TG: variants seen among roughly 807,000 people sequenced by gnomAD.
The protein encoded by TG is thyroglobulin, also known as thyroid hormones.
TG carries 270 observed loss-of-function variants against 324.7 expected under a neutral mutation model. The ratio of observed to expected loss-of-function variants is 0.83; its 90% CI spans 0.75 to 0.92. TG has a LOEUF of 0.92. TG is among the 40% of genes least tolerant of loss of function. The probability of loss-of-function intolerance (pLI) is 0.00; values close to 1 mark genes in which losing one functional copy is unlikely to be tolerated. For missense variants in TG, 3,591 were observed against 3,456.4 expected, an observed-to-expected ratio of 1.04 and a Z score of -0.98; for synonymous variants, 1,401 against 1,327.0, an observed-to-expected ratio of 1.06 and a Z score of -1.21.
intron 34 of TG, among the ~76,000 whole-genome samples, chr8:132,975,402 G>A (rs1201834979): frequency 6.6e-6 from 1 of 152,196 alleles, no homozygotes; most frequent in Non-Finnish European, 1.5e-5. Flanking sequence ...AGGAATCAAG[G>A]TACTCATTGT....
At chr8:132,906,974 C>A in intron 17 of TG, 74 bp downstream of exon 17, 2 of 1,459,204 alleles carry the variant, frequency 1.4e-6, no homozygotes, top group Non-Finnish European at 1.9e-6. Context: ...GATATGGAGG[C>A]GTGGCTGCTC....
chr8:133,042,829 G>A lies in TG; in HGVS notation c.7239+12806G>A, dbSNP rs368297971. The stretch of plus-strand genomic sequence containing the variant: ...CTGCCTCAGCCTTCCGAATAGTTGG[G>A]ATTACAGGCGCCCACCACCACACCT... On this transcript the variant is annotated intron_variant, in intron 41 of 47. Transcript: ENST00000220616. Among the ~76,000 whole-genome samples the A allele has an allele frequency of 5.9e-5, 9 of 151,522 alleles. No homozygotes were observed. The South Asian group carries it at 1.9e-3, about 32-fold the overall frequency.
chr8:132,918,568 G>A (rs2132440949), intron 20 of TG, among the ~76,000 whole-genome samples: 1 of 152,278 alleles, frequency 6.6e-6, no homozygotes. Context: ...ATCAACATTG[G>A]CTCCATCTCA....
chr8:133,049,928 T>G, intron 41 of TG: 1 of 1,613,082 alleles, frequency 6.2e-7, no homozygotes, highest in South Asian at 1.1e-5. Flanking sequence ...CCACACATAT[T>G]CCAGGGATGT....
At chr8:133,050,935 G>A in intron 41 of TG, 1 of 1,461,358 alleles carries the variant, frequency 6.8e-7, no homozygotes, top group Non-Finnish European at 9.6e-7. Flanking sequence ...CAAAGGCAAG[G>A]GGGAAGGGGG....
chr8:132,901,374 T>C lies in TG; in HGVS notation c.3455T>C (p.Leu1152Pro). 1 of 1,614,148 alleles carries C rather than the reference T, an allele frequency of 6.2e-7. No individual in the cohort carries two copies. The highest frequency in any genetic ancestry group is 8.5e-7 in the Non-Finnish European group (1 of 1,180,042). The change falls in exon 16 of 48, where the codon CTC becomes CCC. Residue 1152 changes from leucine to proline, a missense_variant. Coordinates refer to ENST00000220616, the MANE Select transcript of TG (RefSeq NM_003235.5). ...TCAGGCCCAAGCCTCTGCAATGTGC[T>C]CAAGAGTGGAGTCCTCTCCAGGAGA... ...SAQCPSLCNV[L>P]KSGVLSRRVS...
At chr8:133,105,138 G>A (rs1308640315) in intron 43 of TG, among the ~76,000 whole-genome samples, 1 of 152,146 alleles carries the variant, frequency 6.6e-6, no homozygotes, top group African/African-American at 2.4e-5. Flanking sequence ...TTTCTGGTGG[G>A]GATTCTGCTC....
chr8:132,881,248 G>A (rs1305012603), intron 5 of TG, among the ~76,000 whole-genome samples: 1 of 152,190 alleles, frequency 6.6e-6, no homozygotes, highest in Admixed American at 6.5e-5. Context: ...CAGGCCAGAT[G>A]TGATTAGAGA....
chr8:132,908,207 T>A lies in TG; in HGVS notation c.3869T>A (p.Ile1290Asn). Residue 1290 changes from isoleucine to asparagine, a missense_variant, in exon 18 of 48, where the codon ATC becomes AAC. Transcript: ENST00000220616. The stretch of plus-strand genomic sequence containing the variant: ...GCAGGGCCCCAGCTGTGGCAGACCA[T>A]CCAGACCCAAGGGCACTTTCAGCTC... Reference protein sequence around the residue: ...ACQRPQLWQTIQTQGHFQLQL... With the variant: ...ACQRPQLWQTNQTQGHFQLQL... 6.2e-7 allele frequency: 1 copy of A among 1,613,986 alleles called. No individual in the cohort carries two copies. The highest frequency in any genetic ancestry group is 1.1e-5 in the South Asian group (1 of 91,084).
At position 132,887,523 on chromosome 8, in the gene TG, A is replaced by C. The variant is rs201833740; in HGVS notation, c.2151A>C (p.Arg717=). 4 of 1,614,182 alleles carry C rather than the reference A, an allele frequency of 2.5e-6. No homozygotes were observed. In the Admixed American group the frequency reaches 6.7e-5, roughly 27 times the overall value. Residue 717 remains arginine (R), a synonymous_variant, in exon 9 of 48, where the codon CGA becomes CGC. Coordinates refer to ENST00000220616, the MANE Select transcript of TG (RefSeq NM_003235.5). ...AGGGTCAGGCCATTCCTGGAACTCGAAGTGCAATAGGGAAGCCCAAGAAAT... is the reference window on the plus strand; with the variant it reads ...AGGGTCAGGCCATTCCTGGAACTCGCAGTGCAATAGGGAAGCCCAAGAAAT... ...DAEGQAIPGT[R]SAIGKPKKCP...
chr8:132,903,279 C>A (rs999327495), intron 16 of TG, among the ~76,000 whole-genome samples: 3 of 152,206 alleles, frequency 2.0e-5, no homozygotes, highest in Non-Finnish European at 4.4e-5. Context: ...AAGGCTTCAT[C>A]ATGGGTTTGA....
chr8:133,016,210 T>G (rs988040704), intron 37 of TG, among the ~76,000 whole-genome samples: 3 of 152,194 alleles, frequency 2.0e-5, no homozygotes, highest in African/African-American at 7.2e-5. Flanking sequence ...TGACGCTCAG[T>G]GACCTGGAAG....
At chr8:133,060,120 C>T in intron 41 of TG, 1 of 1,607,574 alleles carries the variant, frequency 6.2e-7, no homozygotes, top group South Asian at 1.1e-5. Context: ...GGGCAGGGGC[C>T]TCTCGGCAGG....
chr8:133,019,845 G>C, intron 39 of TG, 150 bp downstream of exon 39: 1 of 670,934 alleles, frequency 1.5e-6, no homozygotes, highest in South Asian at 1.5e-5. Context: ...CAGTTAGTGA[G>C]TGATCTGTGG....
chr8:132,934,726 C>T (rs1248226009), intron 24 of TG, among the ~76,000 whole-genome samples: 2 of 152,178 alleles, frequency 1.3e-5, no homozygotes, highest in Non-Finnish European at 2.9e-5. Context: ...CCAAAAATTC[C>T]CACAGGAAAC....
intron 10 of TG, among the ~76,000 whole-genome samples, chr8:132,891,816 A>ACCC (rs1816277763): frequency 6.6e-6 from 1 of 152,374 alleles, no homozygotes; most frequent in African/African-American, 2.4e-5. Flanking sequence ...ATAACTTCAA[A>ACCC]TTCTGGAAGT....
At chr8:132,958,320 A>G (rs6989555) in intron 27 of TG, among the ~76,000 whole-genome samples, 40,396 of 152,028 alleles carry the variant, frequency 0.27, 6,475 homozygotes, top group East Asian at 0.48. Context: ...AGCTCTCTCT[A>G]TATGTATCTA....
intron 41 of TG, among the ~76,000 whole-genome samples, chr8:133,043,039 G>T (rs1254371580): frequency 6.6e-6 from 1 of 152,128 alleles, no homozygotes; most frequent in East Asian, 1.9e-4. Flanking sequence ...AAGTGGCCAT[G>T]TGGCTCCCAC....
intron 30 of TG, among the ~76,000 whole-genome samples, chr8:132,967,156 C>CCACCCATCCAA (rs1564014872): frequency 2.1e-4 from 30 of 142,714 alleles, no homozygotes; most frequent in African/African-American, 8.1e-4. Flanking sequence ...CATCCATCCA[C>CCACCCATCCAA]CCATCCAACC....
Sources: allele counts gnomAD v4.1 joint callset (sites outside exome capture counted in the v4.1 genomes callset), GRCh38; gene constraint gnomAD v4.1.1; transcripts MANE v1.5; gene names NCBI Gene and HGNC (gene_info 2026-07-23, HGNC 2026-07-21).